Variants in ZNF536 observed in about 807,000 individuals in gnomAD.
ZNF536 encodes zinc finger protein 536.
ZNF536 carries 13 observed loss-of-function variants against 84.5 expected under a neutral mutation model. That is an observed-to-expected ratio of 0.15 (90% CI 0.10 to 0.24). The LOEUF (loss-of-function observed/expected upper bound fraction) is 0.24. Ranked by LOEUF, ZNF536 falls within the 10% of genes least tolerant of loss-of-function variation. The probability of loss-of-function intolerance (pLI) is 1.00; values close to 1 mark genes in which losing one functional copy is unlikely to be tolerated. For missense variants in ZNF536, 1,536 were observed against 1,747.5 expected (o/e 0.88, Z 2.16); for synonymous variants, 811 against 742.5 (o/e 1.09, Z -1.50).
intron 1 of ZNF536, among the ~76,000 whole-genome samples, chr19:30,701,168 G>T (rs2051933915): frequency 6.6e-6 from 1 of 151,510 alleles, no homozygotes. Flanking sequence ...AGTGACATCT[G>T]GTGCATGTGC....
Position 30,268,498 on chromosome 19 carries a change from C to G in ZNF536, c.-189-15574C>G, listed in dbSNP as rs1029385207. Among the ~76,000 whole-genome samples, 4 of 152,240 alleles carry G rather than the reference C, an allele frequency of 2.6e-5. No homozygotes were observed. The East Asian group carries it at 7.7e-4, about 29-fold the overall frequency. ...GATGACAGGGTGCTTCTCGACCCTC[C>G]CAGGGAGTGCTGGCTCTCTAGAGCC... On this transcript the variant is annotated intron_variant, in intron 1 of 5. Transcript: ENST00000585628.
chr19:30,612,717 G>GAGTT (rs1395294073), intron 1 of ZNF536, among the ~76,000 whole-genome samples: 41 of 152,212 alleles, frequency 2.7e-4, no homozygotes, highest in African/African-American at 8.2e-4. Flanking sequence ...ATAGTATGAG[G>GAGTT]AGTTACCTCA....
intron 1 of ZNF536, among the ~76,000 whole-genome samples, chr19:30,269,891 G>A (rs1023640506): frequency 2.0e-5 from 3 of 152,172 alleles, no homozygotes; most frequent in Non-Finnish European, 2.9e-5. Flanking sequence ...GCTTCTAGCT[G>A]GTTCCAGTTT....
intron 1 of ZNF536, among the ~76,000 whole-genome samples, chr19:30,622,004 G>C (rs991268165): frequency 6.6e-6 from 1 of 152,174 alleles, no homozygotes; most frequent in Non-Finnish European, 1.5e-5. Context: ...TAAGTTTCTG[G>C]CTTCTGCACT....
chr19:30,235,252 GTGGCA>G (rs1468837065), intron 1 of ZNF536, among the ~76,000 whole-genome samples: 1 of 152,216 alleles, frequency 6.6e-6, no homozygotes, highest in Non-Finnish European at 1.5e-5. Flanking sequence ...GCCCATGCCT[GTGGCA>G]TGGCCGAGCG....
At chr19:30,683,878 A>G (rs1332893273) in intron 1 of ZNF536, among the ~76,000 whole-genome samples, 1 of 152,216 alleles carries the variant, frequency 6.6e-6, no homozygotes, top group African/African-American at 2.4e-5. Flanking sequence ...TTGTCCATCA[A>G]CATAGCTAGG....
chr19:30,591,046 G>A (rs1261495834), intron 1 of ZNF536, among the ~76,000 whole-genome samples: 1 of 152,244 alleles, frequency 6.6e-6, no homozygotes, highest in East Asian at 1.9e-4. Flanking sequence ...CTGCTTCCCA[G>A]ACTGTTGGAT....
At chr19:30,595,377 T>A (rs8111150) in intron 1 of ZNF536, among the ~76,000 whole-genome samples, 5,130 of 152,216 alleles carry the variant, frequency 0.034, 296 homozygotes, top group African/African-American at 0.12. Flanking sequence ...AGCCTTGATC[T>A]CCTCAGTTCA....
chr19:30,643,929 T>C (rs11084560), intron 1 of ZNF536, among the ~76,000 whole-genome samples: 29,937 of 152,154 alleles, frequency 0.2, 3,302 homozygotes, highest in South Asian at 0.3. Context: ...AATCAAAAAT[T>C]GGGGGGAAGT....
intron 2 of ZNF536, among the ~76,000 whole-genome samples, chr19:30,334,260 C>T (rs1158320864): frequency 6.6e-6 from 1 of 152,132 alleles, no homozygotes; most frequent in Admixed American, 6.5e-5. Context: ...CCAAATTGGA[C>T]CCAAAGCTAT....
intron 2 of ZNF536, among the ~76,000 whole-genome samples, chr19:30,496,004 G>A (rs2054704750): frequency 6.6e-6 from 1 of 152,176 alleles, no homozygotes; most frequent in African/African-American, 2.4e-5. Flanking sequence ...CCATAATGAT[G>A]CCAGGGTGTA....
chr19:30,482,527 T>C (rs2054131548), intron 2 of ZNF536, among the ~76,000 whole-genome samples: 1 of 149,236 alleles, frequency 6.7e-6, no homozygotes, highest in Admixed American at 6.6e-5. Flanking sequence ...AACATAATTG[T>C]AGTTGTCCAA....
chr19:30,583,690 A>G (rs903291952), intron 1 of ZNF536, among the ~76,000 whole-genome samples: 5 of 152,268 alleles, frequency 3.3e-5, no homozygotes, highest in Admixed American at 1.3e-4. Context: ...AGTCCTCATG[A>G]GGGCAGCAAT....
At chr19:30,584,890 G>A (rs554378508) in intron 1 of ZNF536, among the ~76,000 whole-genome samples, 2 of 152,252 alleles carry the variant, frequency 1.3e-5, no homozygotes, top group African/African-American at 4.8e-5. Flanking sequence ...GAGGCCAGGA[G>A]TTCAAGACCA....
chr19:30,622,880 A>G (rs1941365273), intron 1 of ZNF536, among the ~76,000 whole-genome samples: 7 of 151,430 alleles, frequency 4.6e-5, no homozygotes. Context: ...GACCTCCTGT[A>G]TCCTCCAAGG....
chr19:30,654,724 G>T (rs1428825405), intron 1 of ZNF536, among the ~76,000 whole-genome samples: 1 of 151,936 alleles, frequency 6.6e-6, no homozygotes, highest in African/African-American at 2.4e-5. Flanking sequence ...TCTCCATGAA[G>T]ACCAGGAACC....
chr19:30,653,763 C>CA (rs571299737), intron 1 of ZNF536, among the ~76,000 whole-genome samples: 1 of 152,108 alleles, frequency 6.6e-6, no homozygotes, highest in Non-Finnish European at 1.5e-5. Context: ...CCTTCTCCGC[C>CA]AAGGGGTCCC....
At chr19:30,639,905 G>A (rs916031447) in intron 1 of ZNF536, among the ~76,000 whole-genome samples, 1 of 152,212 alleles carries the variant, frequency 6.6e-6, no homozygotes, top group Non-Finnish European at 1.5e-5. Context: ...GACCTGTCAA[G>A]TCTTGGCTCC....
At chr19:30,253,726 G>C (rs1308219339) in intron 1 of ZNF536, among the ~76,000 whole-genome samples, 1 of 152,092 alleles carries the variant, frequency 6.6e-6, no homozygotes, top group Non-Finnish European at 1.5e-5. Flanking sequence ...GGGGACATGT[G>C]GGGTGGCGCC....
Sources: allele counts gnomAD v4.1 joint callset (sites outside exome capture counted in the v4.1 genomes callset), GRCh38; gene constraint gnomAD v4.1.1; transcripts MANE v1.5; gene names NCBI Gene and HGNC (gene_info 2026-07-23, HGNC 2026-07-21).